Variants in DGUOK observed in about 807,000 individuals in gnomAD.
DGUOK encodes the protein deoxyguanosine kinase, mitochondrial.
A neutral mutation model predicts 36.6 loss-of-function variants in DGUOK; 30 were observed. That is an observed-to-expected ratio of 0.82 (90% CI 0.61 to 1.11). The LOEUF is 1.11. DGUOK is among the 50% of genes most tolerant of loss of function. The pLI, the probability that DGUOK is intolerant of heterozygous loss-of-function variation, is 0.00. For missense variants in DGUOK, 361 were observed against 336.4 expected (o/e 1.07, Z -0.57); for synonymous variants, 145 against 126.3 (o/e 1.15, Z -0.99).
At chr2:73,946,677 T>C (rs868412130) in intron 2 of DGUOK, 42 bp from the exon 3 acceptor site, 3 of 1,593,372 alleles carry the variant, frequency 1.9e-6, no homozygotes, top group Middle Eastern at 1.7e-4. Context: ...GGAGTAAATA[T>C]GCTTTCTAGG....
intron 3 of DGUOK, among the ~76,000 whole-genome samples, chr2:73,948,912 T>G (rs569703051): frequency 1.3e-5 from 2 of 152,158 alleles, no homozygotes; most frequent in South Asian, 4.1e-4. Flanking sequence ...CAAGAACCCC[T>G]TTCATAGGGC....
At chr2:73,953,313 C>T (rs909158958) in intron 4 of DGUOK, among the ~76,000 whole-genome samples, 2 of 137,238 alleles carry the variant, frequency 1.5e-5, no homozygotes, top group East Asian at 2.1e-4. Flanking sequence ...TCGTCGTCGT[C>T]GTCACTTGGG....
chr2:73,955,291 A>AT (rs34633950), intron 4 of DGUOK, among the ~76,000 whole-genome samples: 5 of 152,060 alleles, frequency 3.3e-5, no homozygotes, highest in African/African-American at 9.7e-5. Context: ...AACAGACAAC[A>AT]TTTTTTTTCT....
chr2:73,948,418 T>A (rs1682487158), intron 3 of DGUOK, among the ~76,000 whole-genome samples: 1 of 152,226 alleles, frequency 6.6e-6, no homozygotes, highest in South Asian at 2.1e-4. Flanking sequence ...ACATTCCAGG[T>A]GCTATCTTCA....
intron 2 of DGUOK, among the ~76,000 whole-genome samples, chr2:73,943,169 T>C (rs1350407046): frequency 6.6e-6 from 1 of 152,092 alleles, no homozygotes; most frequent in East Asian, 1.9e-4. Context: ...GGGTTCTTTT[T>C]AGGCAGGGTC....
chr2:73,929,892 A>G (rs1287896626), intron 1 of DGUOK, among the ~76,000 whole-genome samples: 1 of 152,202 alleles, frequency 6.6e-6, no homozygotes. Flanking sequence ...AGCTGAAATT[A>G]GAAGAGGGTG....
chr2:73,943,053 A>G (rs1036113832), intron 2 of DGUOK, among the ~76,000 whole-genome samples: 4 of 152,100 alleles, frequency 2.6e-5, no homozygotes, highest in Admixed American at 6.5e-5. Context: ...GTACTATTCC[A>G]TTAATTTGGT....
At chr2:73,939,703 G>T (rs1681754456) in intron 2 of DGUOK, among the ~76,000 whole-genome samples, 1 of 152,106 alleles carries the variant, frequency 6.6e-6, no homozygotes, top group African/African-American at 2.4e-5. Flanking sequence ...CCGCCACCTG[G>T]GATATTCACT....
chr2:73,927,805 C>T (rs1215740734), intron 1 of DGUOK, among the ~76,000 whole-genome samples: 1 of 152,246 alleles, frequency 6.6e-6, no homozygotes, highest in Non-Finnish European at 1.5e-5. Context: ...TTAATAAATT[C>T]TGACTTGATA....
Position 73,950,582 on chromosome 2 carries a change from C to G in DGUOK, c.444-3C>G. ...TCCCCATTCCCATCCCACTTCCAAC[C>G]AGGTATATCTTTGCAAAGAATCTTT... On this transcript the variant is annotated splice_polypyrimidine_tract_variant and splice_region_variant and intron_variant, in intron 3 of 6. Transcript: ENST00000264093. 1.9e-6 allele frequency: 3 copies of G among 1,614,112 alleles called. No individual in the cohort carries two copies. Among genetic ancestry groups the G allele is most frequent in the Non-Finnish European group, 1.7e-6 (2 of 1,180,002 alleles).
At chr2:73,937,518 A>G (rs377376858) in intron 1 of DGUOK, among the ~76,000 whole-genome samples, 3 of 152,316 alleles carry the variant, frequency 2.0e-5, no homozygotes, top group East Asian at 3.9e-4. Context: ...AAAAATGTAG[A>G]AGCAAATGCA....
intron 1 of DGUOK, chr2:73,932,536 C>T: frequency 5.0e-6 from 5 of 1,001,270 alleles, no homozygotes; most frequent in Non-Finnish European, 6.8e-6. Flanking sequence ...GCATTGGTAC[C>T]CACACAGGGA....
At chr2:73,935,343 A>G (rs1319796881) in intron 1 of DGUOK, among the ~76,000 whole-genome samples, 1 of 152,228 alleles carries the variant, frequency 6.6e-6, no homozygotes, top group Non-Finnish European at 1.5e-5. Context: ...CTTTCTGTAG[A>G]CAGGGGTGTT....
chr2:73,951,866 G>A (rs1369154086), intron 4 of DGUOK, among the ~76,000 whole-genome samples: 2 of 152,206 alleles, frequency 1.3e-5, no homozygotes, highest in South Asian at 2.1e-4. Flanking sequence ...ATAAATAAGG[G>A]TTAAAGTTTA....
At position 73,950,729 on chromosome 2, in the gene DGUOK, C is replaced by T; in HGVS notation, c.588C>T (p.Pro196=). 6.2e-7 allele frequency: 1 copy of T among 1,614,146 alleles called. No individual in the cohort carries two copies. The highest frequency in any genetic ancestry group is 1.1e-5 in the South Asian group (1 of 91,084). The change falls in exon 4 of 7, where the codon CCC becomes CCT. Residue 196 remains proline (P), a synonymous_variant. Coordinates refer to ENST00000264093, the MANE Select transcript of DGUOK (RefSeq NM_080916.3). The part of the protein sequence containing the change: ...LHGFIYLQAS[P]QVCLKRLYQR... Reference sequence around the variant, plus strand: ...GCTTCATCTACCTCCAGGCTTCTCCCCAGGTAACACTGAACCTACAACCTT... The same window carrying T: ...GCTTCATCTACCTCCAGGCTTCTCCTCAGGTAACACTGAACCTACAACCTT...
At chr2:73,946,975 T>G in intron 3 of DGUOK, 69 bp downstream of exon 3, 1 of 1,327,974 alleles carries the variant, frequency 7.5e-7, no homozygotes, top group Non-Finnish European at 1.1e-6. Context: ...CTTGCACAGA[T>G]CCTGCACTGC....
chr2:73,932,561 T>A, intron 1 of DGUOK: 1 of 1,240,170 alleles, frequency 8.1e-7, no homozygotes, highest in Non-Finnish European at 1.1e-6. Context: ...ATTAAACTGC[T>A]TTTTAAATCA....
At chr2:73,931,937 G>C (rs759522734) in intron 1 of DGUOK, among the ~76,000 whole-genome samples, 2 of 152,130 alleles carry the variant, frequency 1.3e-5, no homozygotes, top group Non-Finnish European at 2.9e-5. Flanking sequence ...TGAGGTAGGA[G>C]GAGGAGTAGA....
chr2:73,954,927 AGCACTGTTT>A (rs1490623699), intron 4 of DGUOK, among the ~76,000 whole-genome samples: 3 of 152,284 alleles, frequency 2.0e-5, no homozygotes, highest in African/African-American at 7.2e-5. Flanking sequence ...GTCAGACTAA[AGCACTGTTT>A]GCACGGGATT....
Sources: gnomAD v4.1 joint callset for allele counts (sites outside exome capture counted in the v4.1 genomes callset) on GRCh38, gnomAD v4.1.1 for gene constraint, MANE v1.5 for transcripts, NCBI Gene and HGNC (gene_info 2026-07-23, HGNC 2026-07-21) for gene names.